Variants in SHISAL1 observed in about 807,000 individuals in gnomAD.
SHISAL1 encodes the protein shisa like 1, also known as protein shisa-like-1.
SHISAL1 carries 9 observed loss-of-function variants against 22.6 expected under a neutral mutation model. The observed-to-expected ratio is 0.40, with a 90% confidence interval of 0.24 to 0.70. SHISAL1 has a LOEUF of 0.70. Among genes scored for constraint, SHISAL1 ranks in the 30% least tolerant of loss-of-function variants. The probability of loss-of-function intolerance (pLI) is 0.39; values close to 1 mark genes in which losing one functional copy is unlikely to be tolerated. For synonymous variants in SHISAL1, 119 were observed against 115.4 expected, an observed-to-expected ratio of 1.03 and a Z score of -0.20; for missense variants, 246 against 270.6, an observed-to-expected ratio of 0.91 and a Z score of 0.64.
chr22:44,292,811 G>C (rs12484465), intron 3 of SHISAL1, among the ~76,000 whole-genome samples: 2,739 of 152,366 alleles, frequency 0.018, 239 homozygotes, highest in Admixed American at 0.16. Flanking sequence ...CAGCTGGGAA[G>C]AGGCTTCCAT....
chr22:44,282,547 C>T (rs1229927662), intron 4 of SHISAL1, among the ~76,000 whole-genome samples: 1 of 152,210 alleles, frequency 6.6e-6, no homozygotes, highest in Non-Finnish European at 1.5e-5. Context: ...CCTCCTGCTG[C>T]CCCTGCACAG....
Position 44,310,222 on chromosome 22 carries a change from G to A in SHISAL1, c.-33+2529C>T, listed in dbSNP as rs538318535. ...CCATTTCGTTTTTGCTCATCTCTAT[G>A]GGCAGCACAGGCCTGACACGTAGTA... On this transcript the variant is annotated intron_variant, in intron 1 of 4. Transcript: ENST00000381176. This position sits in a 1 kb window ranked among gnomAD's most constrained non-coding sequence, Gnocchi z 4.0. Among the ~76,000 whole-genome samples, 61 of 152,342 alleles carry A rather than the reference G, an allele frequency of 4.0e-4. No homozygotes were observed. Among genetic ancestry groups the A allele is most frequent in the Admixed American group, 1.4e-3 (21 of 15,308 alleles).
intron 4 of SHISAL1, among the ~76,000 whole-genome samples, chr22:44,280,959 C>T (rs1272429698): frequency 6.6e-6 from 1 of 152,168 alleles, no homozygotes; most frequent in Non-Finnish European, 1.5e-5. Flanking sequence ...CTCCCAGGAC[C>T]CAGGCCACAG....
At chr22:44,256,027 T>G (rs1313132491) in intron 4 of SHISAL1, among the ~76,000 whole-genome samples, 4 of 152,208 alleles carry the variant, frequency 2.6e-5, no homozygotes, top group Non-Finnish European at 5.9e-5. Context: ...AACCAACAAG[T>G]AAGGGGGAAT....
At chr22:44,317,510 C>G (rs1011845153), upstream of SHISAL1, among the ~76,000 whole-genome samples, 1 of 152,206 alleles carries the variant, frequency 6.6e-6, no homozygotes, top group Non-Finnish European at 1.5e-5. Flanking sequence ...ACAACAGCCT[C>G]CTCCCACCTC....
chr22:44,274,708 A>G (rs2055227838), intron 4 of SHISAL1, among the ~76,000 whole-genome samples: 1 of 152,244 alleles, frequency 6.6e-6, no homozygotes. Context: ...CAGAAGGCAC[A>G]TCATCATTAG....
chr22:44,323,994 G>T, the SHISAL1 span, among the ~76,000 whole-genome samples: 1 of 152,200 alleles, frequency 6.6e-6, no homozygotes, highest in Non-Finnish European at 1.5e-5. Flanking sequence ...GAGGAAACAG[G>T]CTCAGAGAGG....
intron 4 of SHISAL1, among the ~76,000 whole-genome samples, chr22:44,276,438 A>C (rs1382669123): frequency 6.6e-6 from 1 of 151,918 alleles, no homozygotes; most frequent in Non-Finnish European, 1.5e-5. Flanking sequence ...TCTTGACTTA[A>C]TGTTTTTAAA....
At chr22:44,286,462 C>T (rs1376374231) in intron 3 of SHISAL1, among the ~76,000 whole-genome samples, 2 of 152,186 alleles carry the variant, frequency 1.3e-5, no homozygotes, top group Non-Finnish European at 2.9e-5. Flanking sequence ...TGAAGCCTGG[C>T]TCTCCCGGTG....
In SHISAL1 at chr22:44,297,496, C is replaced by A. The variant is rs1389324523; in HGVS notation, c.68-611G>T. Among the ~76,000 whole-genome samples, 9 of 152,222 alleles carry A rather than the reference C, an allele frequency of 5.9e-5. No individual in the cohort carries two copies. In the East Asian group the frequency reaches 7.7e-4, roughly 13 times the overall value. ...TACCTCTTGGGTCAAAAACAGCAGA[C>A]CCTTCGTTCCTTGGTTTCTACTAAA... On this transcript the variant is annotated intron_variant, in intron 2 of 4. Transcript: ENST00000381176.
At chr22:44,274,057 C>A (rs1224436965) in intron 4 of SHISAL1, among the ~76,000 whole-genome samples, 3 of 148,094 alleles carry the variant, frequency 2.0e-5, no homozygotes, top group Non-Finnish European at 4.5e-5. Flanking sequence ...CGGCCCCCCC[C>A]TCCCCCCCAC....
In SHISAL1 at chr22:44,247,111, T is replaced by C. The variant is rs1454129643; in HGVS notation, c.*2574A>G. ...TAGCTGTCTATTTGGCAGTGACCTT[T>C]GACCCCAGGTGTCCAGGAGAGGGAG... On this transcript the variant is annotated 3_prime_UTR_variant, in exon 5 of 5. Transcript: ENST00000381176. 1 of 152,592 alleles carries C rather than the reference T, an allele frequency of 6.6e-6. No individual in the cohort carries two copies. Among genetic ancestry groups the C allele is most frequent in the Non-Finnish European group, 1.5e-5 (1 of 68,376 alleles). The allele number at this position is 152,592 out of a possible 1,614,324, so 9.5% of individuals were successfully genotyped here.
intron 2 of SHISAL1, among the ~76,000 whole-genome samples, chr22:44,300,410 C>G (rs549837611): frequency 4.5e-4 from 68 of 152,326 alleles, no homozygotes; most frequent in African/African-American, 1.6e-3. Context: ...ACTGGGAGAG[C>G]AGGAGCCCAC....
At chr22:44,253,496 T>C (rs1426563760) in intron 4 of SHISAL1, among the ~76,000 whole-genome samples, 3 of 148,756 alleles carry the variant, frequency 2.0e-5, no homozygotes, top group Non-Finnish European at 4.5e-5. Context: ...TGGTATGATC[T>C]CAGCTCACTG....
chr22:44,267,697 A>C (rs1413476970), intron 4 of SHISAL1, among the ~76,000 whole-genome samples: 1 of 151,724 alleles, frequency 6.6e-6, no homozygotes, highest in Non-Finnish European at 1.5e-5. Context: ...TTCCTCCCCC[A>C]CACTCATGCC....
intron 4 of SHISAL1, among the ~76,000 whole-genome samples, chr22:44,256,881 T>A (rs994878050): frequency 2.0e-5 from 3 of 152,060 alleles, no homozygotes; most frequent in South Asian, 2.1e-4. Flanking sequence ...ACCCAAAGGA[T>A]CTGGGAAGGT....
rs546479057 is a variant in SHISAL1, at chr22:44,248,214, C to G, written c.*1471G>C. On this transcript the variant is annotated 3_prime_UTR_variant, in exon 5 of 5. Transcript: ENST00000381176. Reference sequence around the variant, plus strand: ...GAAAGCTAGCACAGTGAGCAGGGACCTGCCTTGCTCACTGTCGTGTCTGGT... The same window carrying G: ...GAAAGCTAGCACAGTGAGCAGGGACGTGCCTTGCTCACTGTCGTGTCTGGT... The G allele has an allele frequency of 2.0e-5, 3 of 150,868 alleles. No homozygotes were observed. The South Asian group carries it at 6.2e-4, about 31-fold the overall frequency. 9.3% of individuals were successfully genotyped at this position (150,868 alleles called of 1,614,324 possible). A position where few individuals can be genotyped will look rare whatever the true frequency, so the allele number is the denominator to read the frequency against.
the SHISAL1 span, among the ~76,000 whole-genome samples, chr22:44,317,958 G>A: frequency 2.6e-5 from 4 of 152,254 alleles, no homozygotes; most frequent in African/African-American, 9.6e-5. Flanking sequence ...TGACCTTCCC[G>A]AGCTGGGCTC....
upstream of SHISAL1, among the ~76,000 whole-genome samples, chr22:44,314,881 G>A (rs1449519370): frequency 2.6e-5 from 4 of 152,154 alleles, no homozygotes; most frequent in South Asian, 2.1e-4. Flanking sequence ...AGAACATTAC[G>A]GGGCATCTCA....
Sources: allele counts gnomAD v4.1 joint callset (sites outside exome capture counted in the v4.1 genomes callset), GRCh38; gene constraint gnomAD v4.1.1; non-coding constraint Gnocchi (gnomAD v3.1); transcripts MANE v1.5; gene names NCBI Gene and HGNC (gene_info 2026-07-23, HGNC 2026-07-21).